ISM1: variants seen among roughly 807,000 people sequenced by gnomAD.
The protein encoded by ISM1 is isthmin 1.
ISM1 carries 25 observed loss-of-function variants against 46.3 expected under a neutral mutation model. The observed-to-expected ratio is 0.54, with a 90% CI of 0.39 to 0.75. The LOEUF (loss-of-function observed/expected upper bound fraction) is 0.75, where lower values mean the gene tolerates loss of function less well. Ranked by LOEUF, ISM1 falls within the 30% of genes least tolerant of loss-of-function variation. ISM1 has a pLI of 0.00. For missense variants in ISM1, 536 were observed against 625.4 expected, an observed-to-expected ratio of 0.86 and a Z score of 1.52; for synonymous variants, 255 against 256.7, an observed-to-expected ratio of 0.99 and a Z score of 0.06.
intron 1 of ISM1, among the ~76,000 whole-genome samples, chr20:13,237,001 C>T (rs1251380769): frequency 6.6e-6 from 1 of 152,176 alleles, no homozygotes; most frequent in Non-Finnish European, 1.5e-5. Flanking sequence ...GGACAGTGGC[C>T]CTCTTCTCAC....
chr20:13,265,568 T>C (rs2040033695), intron 1 of ISM1, among the ~76,000 whole-genome samples: 1 of 152,194 alleles, frequency 6.6e-6, no homozygotes. Context: ...TGCAGGAAAG[T>C]ATCCCAAATT....
chr20:13,249,271 T>C (rs988243261), intron 1 of ISM1, among the ~76,000 whole-genome samples: 9 of 152,196 alleles, frequency 5.9e-5, no homozygotes, highest in African/African-American at 1.9e-4. Flanking sequence ...GCTGCGAGCC[T>C]GCCCATTTCA....
intron 3 of ISM1, among the ~76,000 whole-genome samples, chr20:13,286,231 T>G (rs1213261222): frequency 6.6e-6 from 1 of 152,104 alleles, no homozygotes; most frequent in Admixed American, 6.5e-5. Context: ...CCTGGATGCT[T>G]CTCTGACAAG....
chr20:13,223,343 TTG>T (rs2039475056), intron 1 of ISM1, among the ~76,000 whole-genome samples: 1 of 152,196 alleles, frequency 6.6e-6, no homozygotes, highest in African/African-American at 2.4e-5. Flanking sequence ...AACACTTCCA[TTG>T]TGTTTACTAC....
intron 3 of ISM1, 120 bp downstream of exon 3, chr20:13,280,018 A>T (rs116819696): frequency 1.2e-4 from 109 of 934,154 alleles, no homozygotes; most frequent in Admixed American, 2.5e-4. Flanking sequence ...CTGTGAGGCA[A>T]ACCTCACAAA....
intron 3 of ISM1, among the ~76,000 whole-genome samples, chr20:13,281,532 A>G (rs897844152): frequency 6.6e-6 from 1 of 152,216 alleles, no homozygotes; most frequent in African/African-American, 2.4e-5. Flanking sequence ...TGGGAAAACT[A>G]AAGCCTGGAA....
the ISM1 span, among the ~76,000 whole-genome samples, chr20:13,310,126 T>C: frequency 6.6e-6 from 1 of 152,106 alleles, no homozygotes; most frequent in Non-Finnish European, 1.5e-5. Context: ...AAATACTAAA[T>C]AGCCAAAGCA....
intron 5 of ISM1, among the ~76,000 whole-genome samples, chr20:13,296,758 A>C (rs2040410998): frequency 6.6e-6 from 1 of 152,118 alleles, no homozygotes; most frequent in Non-Finnish European, 1.5e-5. Flanking sequence ...GGTGGCTTAC[A>C]CCTGTAATCC....
chr20:13,223,164 A>AT (rs2039472005), intron 1 of ISM1, among the ~76,000 whole-genome samples: 2 of 143,344 alleles, frequency 1.4e-5, no homozygotes, highest in South Asian at 2.2e-4. Flanking sequence ...CTCAAAAAAA[A>AT]AATAAAATAA....
chr20:13,317,014 GGAT>G, the ISM1 span, among the ~76,000 whole-genome samples: 1 of 151,830 alleles, frequency 6.6e-6, no homozygotes, highest in Admixed American at 6.6e-5. Flanking sequence ...GTCTGTTCAT[GGAT>G]GACATGATTT....
intron 5 of ISM1, among the ~76,000 whole-genome samples, chr20:13,293,738 C>G (rs2040378461): frequency 6.6e-6 from 1 of 152,160 alleles, no homozygotes; most frequent in Non-Finnish European, 1.5e-5. Context: ...CTTTGGGAGG[C>G]TGAGGCGGGT....
intron 2 of ISM1, among the ~76,000 whole-genome samples, chr20:13,274,297 G>C (rs551093306): frequency 6.6e-6 from 1 of 152,098 alleles, no homozygotes; most frequent in African/African-American, 2.4e-5. Context: ...ACACAGGGCC[G>C]ATTCAGCCCA....
the ISM1 span, among the ~76,000 whole-genome samples, chr20:13,319,341 C>T: frequency 1.4e-4 from 21 of 152,172 alleles, no homozygotes; most frequent in Middle Eastern, 0.01. Flanking sequence ...CCTGGCAGCC[C>T]GGGTATTTCT....
chr20:13,243,107 C>T (rs548283308), intron 1 of ISM1, among the ~76,000 whole-genome samples: 15 of 151,632 alleles, frequency 9.9e-5, no homozygotes, highest in African/African-American at 2.9e-4. Flanking sequence ...ACTGTGACTG[C>T]GTGGCTTGGG....
At chr20:13,303,681 A>C (rs1214414212), downstream of ISM1, among the ~76,000 whole-genome samples, 1 of 152,226 alleles carries the variant, frequency 6.6e-6, no homozygotes, top group Non-Finnish European at 1.5e-5. Context: ...GTTGTCAGAC[A>C]AGTTAATACA....
At chr20:13,227,040 C>G (rs2039533690) in intron 1 of ISM1, among the ~76,000 whole-genome samples, 1 of 152,174 alleles carries the variant, frequency 6.6e-6, no homozygotes, top group African/African-American at 2.4e-5. Context: ...GTATTTTTAT[C>G]AAGGTGAAAC....
chr20:13,301,137 C>T (rs1211741088), downstream of ISM1, among the ~76,000 whole-genome samples: 1 of 152,172 alleles, frequency 6.6e-6, no homozygotes, highest in Admixed American at 6.5e-5. Context: ...CCTAACCCCA[C>T]CCTTAAGTTA....
chr20:13,288,755 A>G (rs2040321064), intron 4 of ISM1, 72 bp downstream of exon 4: 1 of 1,442,946 alleles, frequency 6.9e-7, no homozygotes, highest in Admixed American at 2.1e-5. Flanking sequence ...AAACTTAGTG[A>G]CATTGTCTTT....
intron 5 of ISM1, among the ~76,000 whole-genome samples, chr20:13,298,306 C>T (rs1202197667): frequency 1.3e-5 from 2 of 152,074 alleles, no homozygotes; most frequent in African/African-American, 4.8e-5. Flanking sequence ...GGGGTTTCAC[C>T]TTGTTGGCCA....
Sources: allele counts gnomAD v4.1 joint callset (sites outside exome capture counted in the v4.1 genomes callset), GRCh38; gene constraint gnomAD v4.1.1; transcripts MANE v1.5; gene names NCBI Gene and HGNC (gene_info 2026-07-23, HGNC 2026-07-21).